CLDN14: variants seen among roughly 807,000 people sequenced by gnomAD.
CLDN14 encodes claudin 14.
In CLDN14, 2 loss-of-function variants were observed where a neutral mutation model predicts 2.1. The observed-to-expected ratio is 0.96, with a 90% CI of 0.39 to 3.01. The LOEUF is 3.01. Ranked by LOEUF, CLDN14 falls within the 30% of genes most tolerant of loss-of-function variation. The pLI, the probability that CLDN14 is intolerant of heterozygous loss-of-function variation, is 0.09. For synonymous variants in CLDN14, 136 were observed against 154.4 expected, an observed-to-expected ratio of 0.88 and a Z score of 0.88; for missense variants, 298 against 328.0, an observed-to-expected ratio of 0.91 and a Z score of 0.71.
chr21:36,476,587 G>A (rs1186925391), intron 1 of CLDN14, among the ~76,000 whole-genome samples: 1 of 152,136 alleles, frequency 6.6e-6, no homozygotes, highest in Non-Finnish European at 1.5e-5. Flanking sequence ...TGAGTAGCTG[G>A]GATTACAGGC....
intron 1 of CLDN14, among the ~76,000 whole-genome samples, chr21:36,513,597 G>T (rs1239438725): frequency 6.6e-6 from 1 of 152,180 alleles, no homozygotes; most frequent in Admixed American, 6.5e-5. Context: ...AGCCCCTTGG[G>T]TGCATTTGAG....
upstream of CLDN14, among the ~76,000 whole-genome samples, chr21:36,485,103 G>A (rs1364069960): frequency 6.6e-6 from 1 of 151,594 alleles, no homozygotes; most frequent in East Asian, 1.9e-4. Context: ...GGCACCAGAA[G>A]GTAGGGCTTC....
chr21:36,488,479 C>T (rs2086923134), intron 2 of CLDN14, among the ~76,000 whole-genome samples: 1 of 152,034 alleles, frequency 6.6e-6, no homozygotes, highest in South Asian at 2.1e-4. Context: ...ACCATGTTGG[C>T]CAGGATGATC....
At chr21:36,541,960 C>T (rs1036808240) in intron 1 of CLDN14, among the ~76,000 whole-genome samples, 4 of 152,038 alleles carry the variant, frequency 2.6e-5, no homozygotes, top group African/African-American at 9.7e-5. Context: ...TGGCTGTAGA[C>T]TTTCTTTTAC....
chr21:36,483,369 C>T (rs2086866324), upstream of CLDN14, among the ~76,000 whole-genome samples: 1 of 152,234 alleles, frequency 6.6e-6, no homozygotes, highest in African/African-American at 2.4e-5. Flanking sequence ...AACTGGAGGG[C>T]TGCACAAATG....
At chr21:36,529,410 T>C (rs2087361838) in intron 1 of CLDN14, among the ~76,000 whole-genome samples, 1 of 152,164 alleles carries the variant, frequency 6.6e-6, no homozygotes, top group South Asian at 2.1e-4. Flanking sequence ...TGCCTCAGCC[T>C]CTCGAGTAGC....
rs912616454 is a variant in CLDN14 at position 36,498,342 on chromosome 21, G to C, written c.-82+12021C>G. ...GAGCCGGGACAATTGTGAGTGGAAA[G>C]AGAAGAAAAAAAGTAAAATAATAAT... On this transcript the variant is annotated intron_variant, in intron 2 of 2. Transcript: ENST00000342108. This position sits in a 1 kb window ranked among gnomAD's most constrained non-coding sequence, Gnocchi z 4.9. 6.6e-6 allele frequency among the ~76,000 whole-genome samples: 1 copy of C among 152,054 alleles called. No homozygotes were observed. The highest frequency in any genetic ancestry group is 1.5e-5 in the Non-Finnish European group (1 of 67,994).
At chr21:36,494,436 G>A (rs2086996830) in intron 2 of CLDN14, among the ~76,000 whole-genome samples, 1 of 152,172 alleles carries the variant, frequency 6.6e-6, no homozygotes, top group Non-Finnish European at 1.5e-5. Context: ...CTGCACACTG[G>A]CATGTTCGAG....
chr21:36,516,088 G>A (rs934830878), intron 1 of CLDN14, among the ~76,000 whole-genome samples: 2 of 152,076 alleles, frequency 1.3e-5, no homozygotes, highest in African/African-American at 4.8e-5. Context: ...GGGCCCGGCC[G>A]TTTTCCCTTC....
In CLDN14 at chr21:36,526,791, C is replaced by T. The variant is rs538728937; in HGVS notation, c.-219-16291G>A. ...TCATTAATCTTCCCTCCAGGCTTTT[C>T]CATACCTGCTAAATAGCTCAATCCA... On this transcript the variant is annotated intron_variant, in intron 1 of 2. Transcript: ENST00000342108. Among the ~76,000 whole-genome samples the T allele has an allele frequency of 3.9e-4, 60 of 152,330 alleles. No individual in the cohort carries two copies. The South Asian group carries it at 0.012, about 31-fold the overall frequency.
Position 36,461,762 on chromosome 21 carries a change from G to A in CLDN14, c.-67C>T. ...CCCTCGGGGTCACGCCGCTCCTCAG[G>A]TGCCAGCCGGAGCCCTAATGAAGCC... On this transcript the variant is annotated 5_prime_UTR_variant, in exon 2 of 2. Transcript: ENST00000399135. 6.5e-7 allele frequency: 1 copy of A among 1,532,602 alleles called. No individual in the cohort carries two copies. Among genetic ancestry groups the A allele is most frequent in the East Asian group, 2.5e-5 (1 of 40,694 alleles). 94.9% of individuals were successfully genotyped at this position (1,532,602 alleles called of 1,614,324 possible).
At chr21:36,559,018 G>A (rs1238704643) in intron 1 of CLDN14, among the ~76,000 whole-genome samples, 1 of 152,100 alleles carries the variant, frequency 6.6e-6, no homozygotes, top group African/African-American at 2.4e-5. Context: ...CCTGTACTGT[G>A]TTGAATAGAA....
chr21:36,530,098 C>T (rs912977420), intron 1 of CLDN14, among the ~76,000 whole-genome samples: 6 of 152,100 alleles, frequency 3.9e-5, no homozygotes, highest in East Asian at 3.8e-4. Context: ...AGTTCCGAGG[C>T]GGGCCGGGAA....
In CLDN14 at chr21:36,499,180, A is replaced by C. The variant is rs983337841; in HGVS notation, c.-82+11183T>G. ...ACACATCGGTTTTGTGGGGGCAATG[A>C]ACCCCGCAACTGCGGGAAACTGACC... is the stretch of plus-strand genomic sequence containing the variant. On this transcript the variant is annotated intron_variant, in intron 2 of 2. Transcript: ENST00000342108. This position sits in a 1 kb window ranked among gnomAD's most constrained non-coding sequence, Gnocchi z 4.7. Among the ~76,000 whole-genome samples the C allele has an allele frequency of 7.9e-5, 12 of 152,176 alleles. No homozygotes were observed. Among genetic ancestry groups the C allele is most frequent in the Non-Finnish European group, 4.4e-5 (3 of 68,028 alleles).
At chr21:36,488,013 T>C (rs2086914961) in intron 2 of CLDN14, among the ~76,000 whole-genome samples, 1 of 152,180 alleles carries the variant, frequency 6.6e-6, no homozygotes, top group Non-Finnish European at 1.5e-5. Context: ...CTCACCTTCA[T>C]AGCAGCATTA....
At chr21:36,464,985 C>A (rs541235664) in intron 1 of CLDN14, among the ~76,000 whole-genome samples, 1 of 152,210 alleles carries the variant, frequency 6.6e-6, no homozygotes, top group Non-Finnish European at 1.5e-5. Context: ...GGCCTTGCCC[C>A]TTTTGCAGTG....
chr21:36,558,763 T>G (rs1358620653), intron 1 of CLDN14, among the ~76,000 whole-genome samples: 2 of 41,142 alleles, frequency 4.9e-5, no homozygotes, highest in African/African-American at 8.5e-5. Flanking sequence ...CAAGGTGGGG[T>G]TTTTTTTTTG....
intron 1 of CLDN14, among the ~76,000 whole-genome samples, chr21:36,523,781 G>GAGAGAGAGAGAGAGAAAGAA (rs1568868851): frequency 2.9e-4 from 11 of 38,372 alleles, no homozygotes; most frequent in African/African-American, 8.0e-4. Flanking sequence ...GAGAGAAAGA[G>GAGAGAGAGAGAGAGAAAGAA]AGAAAGAAAG....
At chr21:36,534,936 G>A (rs1476296968) in intron 1 of CLDN14, among the ~76,000 whole-genome samples, 3 of 152,194 alleles carry the variant, frequency 2.0e-5, no homozygotes, top group Admixed American at 1.3e-4. Context: ...AAGCCAGGAA[G>A]GGTTGTGGCA....
Sources: allele counts gnomAD v4.1 joint callset (sites outside exome capture counted in the v4.1 genomes callset), GRCh38; gene constraint gnomAD v4.1.1; non-coding constraint Gnocchi (gnomAD v3.1); transcripts MANE v1.5; gene names NCBI Gene and HGNC (gene_info 2026-07-23, HGNC 2026-07-21).